NPSR1: variants seen among roughly 807,000 people sequenced by gnomAD.
NPSR1 encodes the protein neuropeptide S receptor 1, also known as neuropeptide S receptor.
NPSR1 carries 48 observed loss-of-function variants against 46.9 expected under a neutral mutation model. That is an observed-to-expected ratio of 1.02 (90% CI 0.81 to 1.30). The LOEUF (loss-of-function observed/expected upper bound fraction) is 1.30, where lower values mean the gene tolerates loss of function less well. Among genes scored for constraint, NPSR1 ranks in the 50% most tolerant of loss-of-function variants. The probability of loss-of-function intolerance (pLI) is 0.00; values close to 1 mark genes in which losing one functional copy is unlikely to be tolerated. For missense variants in NPSR1, 450 were observed against 449.5 expected, an observed-to-expected ratio of 1.00 and a Z score of -0.01; for synonymous variants, 176 against 168.1, an observed-to-expected ratio of 1.05 and a Z score of -0.36.
At chr7:34,752,080 G>A (rs550970552) in intron 2 of NPSR1, 29 of 594,526 alleles carry the variant, frequency 4.9e-5, no homozygotes, top group Admixed American at 2.2e-4. Flanking sequence ...CCGGTGACGG[G>A]GAGAAGGCCT....
chr7:34,765,499 T>C (rs934119356), intron 2 of NPSR1, among the ~76,000 whole-genome samples: 1 of 152,246 alleles, frequency 6.6e-6, no homozygotes, highest in Non-Finnish European at 1.5e-5. Context: ...GTTCTTCCAC[T>C]GTTGGAAGCA....
chr7:34,717,385 C>T (rs1783633384), intron 2 of NPSR1, among the ~76,000 whole-genome samples: 1 of 152,218 alleles, frequency 6.6e-6, no homozygotes, highest in South Asian at 2.1e-4. Context: ...GCCGCCTCAG[C>T]CTCCCAAAGT....
At chr7:34,845,507 A>C (rs1002403101) in intron 7 of NPSR1, 14 of 448,638 alleles carry the variant, frequency 3.1e-5, no homozygotes, top group South Asian at 2.2e-4. Context: ...CCTGTCTGAA[A>C]TGCTCTGCTC....
intron 1 of NPSR1, among the ~76,000 whole-genome samples, chr7:34,665,839 T>A (rs1452308577): frequency 6.6e-6 from 1 of 151,842 alleles, no homozygotes; most frequent in Non-Finnish European, 1.5e-5. Flanking sequence ...CACATACACA[T>A]GGACACATAC....
chr7:34,849,995 C>T, downstream of NPSR1: 2 of 1,051,822 alleles, frequency 1.9e-6, no homozygotes, highest in Non-Finnish European at 2.3e-6. Context: ...GCAGAGGGGA[C>T]AAAGGTAGCT....
At chr7:34,780,850 TCACC>T (rs949902535) in intron 3 of NPSR1, among the ~76,000 whole-genome samples, 5 of 152,146 alleles carry the variant, frequency 3.3e-5, no homozygotes, top group African/African-American at 7.2e-5. Flanking sequence ...AAATCAGAAC[TCACC>T]CACTGTGAAA....
chr7:34,819,430 G>C (rs781225796), intron 4 of NPSR1, among the ~76,000 whole-genome samples: 2 of 152,220 alleles, frequency 1.3e-5, no homozygotes, highest in Non-Finnish European at 2.9e-5. Flanking sequence ...GTGCTGGAGA[G>C]GATGTGGAGA....
chr7:34,666,668 C>G (rs1266173739), intron 1 of NPSR1, among the ~76,000 whole-genome samples: 1 of 152,090 alleles, frequency 6.6e-6, no homozygotes, highest in Non-Finnish European at 1.5e-5. Context: ...TGAATACTTT[C>G]CTAATTGATA....
intron 7 of NPSR1, 41 bp from the exon 8 acceptor site, chr7:34,848,442 C>G (rs775205411): frequency 4.0e-5 from 64 of 1,593,674 alleles, no homozygotes; most frequent in Non-Finnish European, 4.5e-5. Context: ...GACCCCTCAA[C>G]TGCTACCTGC....
intron 2 of NPSR1, among the ~76,000 whole-genome samples, chr7:34,761,805 GTTGTGCAATGATC>G (rs1386155089): frequency 2.6e-5 from 4 of 152,218 alleles, no homozygotes. Context: ...TGAGCCCCAT[GTTGTGCAATGATC>G]TTGTGCAATG....
At chr7:34,658,620 A>G (rs1320825392) in intron 1 of NPSR1, 61 bp downstream of exon 1, 6 of 1,511,542 alleles carry the variant, frequency 4.0e-6, no homozygotes, top group African/African-American at 1.4e-5. Context: ...CTGGAACTTA[A>G]GAGTGTCAAT....
intron 6 of NPSR1, among the ~76,000 whole-genome samples, chr7:34,838,015 C>G (rs1431484523): frequency 6.6e-6 from 1 of 152,154 alleles, no homozygotes; most frequent in African/African-American, 2.4e-5. Flanking sequence ...TTCCATGGGT[C>G]TGACATGCTC....
chr7:34,827,751 A>G (rs1789931704), intron 5 of NPSR1, 149 bp downstream of exon 5: 2 of 637,434 alleles, frequency 3.1e-6, no homozygotes, highest in Admixed American at 2.9e-5. Context: ...ATGTGTAGCT[A>G]CCATAGGCTA....
chr7:34,856,209 A>C (rs1301254908), intron 8 of NPSR1, among the ~76,000 whole-genome samples: 2 of 148,746 alleles, frequency 1.3e-5, no homozygotes, highest in Non-Finnish European at 2.9e-5. Context: ...ATAAATAATA[A>C]AAACTGACAA....
intron 2 of NPSR1, among the ~76,000 whole-genome samples, chr7:34,764,371 C>T (rs1487859975): frequency 2.6e-5 from 4 of 152,178 alleles, no homozygotes; most frequent in Non-Finnish European, 5.9e-5. Context: ...ATTCTCTAGA[C>T]CAGAGGTCTG....
intron 2 of NPSR1, among the ~76,000 whole-genome samples, chr7:34,705,666 A>C (rs1794069812): frequency 6.6e-6 from 1 of 151,860 alleles, no homozygotes; most frequent in Admixed American, 6.6e-5. Flanking sequence ...GCTTTGCTTT[A>C]AACTTTGCTA....
chr7:34,735,866 T>G (rs1402679129), intron 2 of NPSR1, among the ~76,000 whole-genome samples: 1 of 152,170 alleles, frequency 6.6e-6, no homozygotes, highest in Non-Finnish European at 1.5e-5. Context: ...AATAATATTA[T>G]GTTCCATTAA....
chr7:34,790,423 A>G (rs1001729255), intron 3 of NPSR1, among the ~76,000 whole-genome samples: 4 of 152,016 alleles, frequency 2.6e-5, no homozygotes, highest in Admixed American at 2.0e-4. Context: ...CACAGTCAAC[A>G]GTGGTAAACT....
intron 8 of NPSR1, among the ~76,000 whole-genome samples, chr7:34,865,709 C>T (rs1166212560): frequency 6.6e-6 from 1 of 151,756 alleles, no homozygotes; most frequent in East Asian, 1.9e-4. Context: ...CACTACATTT[C>T]TCTCTTCTGA....
Sources: gnomAD v4.1 joint callset for allele counts (sites outside exome capture counted in the v4.1 genomes callset) on GRCh38, gnomAD v4.1.1 for gene constraint, MANE v1.5 for transcripts, NCBI Gene and HGNC (gene_info 2026-07-23, HGNC 2026-07-21) for gene names.